SLC7A14: variants seen among roughly 807,000 people sequenced by gnomAD.
SLC7A14 encodes solute carrier family 7 member 14.
Under a neutral mutation model 60.2 loss-of-function variants are expected in SLC7A14, and 37 were observed. That is an observed-to-expected ratio of 0.61 (90% CI 0.47 to 0.81). The LOEUF is 0.81. SLC7A14 is among the 30% of genes least tolerant of loss of function. The pLI is 0.00. For synonymous variants in SLC7A14, 399 were observed against 395.8 expected (o/e 1.01, Z -0.10); for missense variants, 886 against 982.7 (o/e 0.90, Z 1.32).
At chr3:170,507,892 C>A (rs930979871) in intron 2 of SLC7A14, among the ~76,000 whole-genome samples, 8 of 152,212 alleles carry the variant, frequency 5.3e-5, no homozygotes, top group Non-Finnish European at 1.0e-4. Context: ...AGCCCCTCAC[C>A]CTCCTCTGTG....
intron 1 of SLC7A14, among the ~76,000 whole-genome samples, chr3:170,550,013 C>T (rs62293559): frequency 1.3e-5 from 2 of 152,284 alleles, no homozygotes; most frequent in East Asian, 1.9e-4. Context: ...AAGAGGAAGA[C>T]CCTGAGCTAT....
rs1739745536 is a variant in SLC7A14 at position 170,467,312 on chromosome 3, C to G, written c.2059G>C (p.Ala687Pro). ...STLEISAREEALHQSTYQRYD... is the reference protein window; with the variant it reads ...STLEISAREEPLHQSTYQRYD... The stretch of plus-strand genomic sequence containing the variant: ...CGTTGGTACGTGCTTTGGTGCAGGG[C>G]CTCTTCTCGAGCGCTGATTTCCAGG... Residue 687 changes from alanine to proline, a missense_variant, in exon 8 of 8, where the codon GCC (alanine) becomes CCC (proline). Ala to Pro is a conservative substitution (Grantham distance 27). Coordinates refer to ENST00000231706, the MANE Select transcript of SLC7A14 (RefSeq NM_020949.3). 1 of 1,613,802 alleles carries G rather than the reference C, an allele frequency of 6.2e-7. No individual in the cohort carries two copies. Among genetic ancestry groups the G allele is most frequent in the Admixed American group, 1.7e-5 (1 of 59,974 alleles).
intron 7 of SLC7A14, among the ~76,000 whole-genome samples, chr3:170,477,223 G>A (rs1002119704): frequency 2.0e-5 from 3 of 152,186 alleles, no homozygotes; most frequent in Non-Finnish European, 4.4e-5. Flanking sequence ...ATAACTTCCT[G>A]TTGACTTTGA....
chr3:170,486,125 C>T, intron 5 of SLC7A14, 97 bp downstream of exon 5: 1 of 1,473,448 alleles, frequency 6.8e-7, no homozygotes, highest in Non-Finnish European at 9.2e-7. Context: ...AAGACAGACA[C>T]CAAGAAGACA....
intron 1 of SLC7A14, among the ~76,000 whole-genome samples, chr3:170,581,538 T>G (rs1715235061): frequency 6.6e-6 from 1 of 152,044 alleles, no homozygotes. Context: ...AATCAGAAAT[T>G]TCAATAACTA....
chr3:170,472,241 G>T (rs1739931714), intron 7 of SLC7A14, among the ~76,000 whole-genome samples: 1 of 149,854 alleles, frequency 6.7e-6, no homozygotes, highest in African/African-American at 2.5e-5. Context: ...ACGGTGGCGG[G>T]CACTGGTAAT....
intron 7 of SLC7A14, among the ~76,000 whole-genome samples, chr3:170,471,114 T>TGTGTGTGTGTGTGTGAGA: frequency 6.6e-6 from 1 of 152,076 alleles, no homozygotes; most frequent in South Asian, 2.1e-4. Context: ...TGTGTGTGTG[T>TGTGTGTGTGTGTGTGAGA]GTGTGTGAGT....
intron 1 of SLC7A14, among the ~76,000 whole-genome samples, chr3:170,528,419 G>A (rs1369571546): frequency 2.0e-5 from 3 of 152,164 alleles, no homozygotes; most frequent in Non-Finnish European, 2.9e-5. Flanking sequence ...TTGAAGTATA[G>A]CCAGACGTTG....
chr3:170,571,609 T>A (rs13099049), intron 1 of SLC7A14, among the ~76,000 whole-genome samples: 62,742 of 152,050 alleles, frequency 0.41, 13,135 homozygotes, highest in African/African-American at 0.5. Flanking sequence ...TTTAGCAACA[T>A]TACTCAAGAA....
intron 1 of SLC7A14, among the ~76,000 whole-genome samples, chr3:170,557,607 C>T (rs1714522894): frequency 6.6e-6 from 1 of 152,198 alleles, no homozygotes; most frequent in African/African-American, 2.4e-5. Flanking sequence ...GACCTGGCAT[C>T]CAAACCTTGG....
intron 2 of SLC7A14, among the ~76,000 whole-genome samples, chr3:170,506,109 G>C (rs138314460): frequency 8.5e-4 from 129 of 152,328 alleles, no homozygotes; most frequent in African/African-American, 3.0e-3. Flanking sequence ...ATGAAATCCA[G>C]TGTTTAGGTG....
chr3:170,467,480 G>A, intron 7 of SLC7A14, 103 bp from the exon 8 acceptor site: 1 of 677,318 alleles, frequency 1.5e-6, no homozygotes, highest in Non-Finnish European at 2.2e-6. Context: ...CTGGCGGGGT[G>A]GGGGGCGGTG....
chr3:170,550,702 A>G (rs1208560590), intron 1 of SLC7A14, among the ~76,000 whole-genome samples: 1 of 151,358 alleles, frequency 6.6e-6, no homozygotes, highest in Non-Finnish European at 1.5e-5. Context: ...TTATATTTTT[A>G]GTAGAGACGG....
At chr3:170,555,189 AAT>A (rs1031294499) in intron 1 of SLC7A14, among the ~76,000 whole-genome samples, 5 of 149,440 alleles carry the variant, frequency 3.3e-5, no homozygotes, top group Non-Finnish European at 4.4e-5. Flanking sequence ...ATATATATAT[AAT>A]ATATATATTG....
chr3:170,532,665 C>T lies in SLC7A14; in HGVS notation c.-152-5577G>A, dbSNP rs1225080180. Among the ~76,000 whole-genome samples the T allele has an allele frequency of 6.6e-6, 1 of 151,412 alleles. No individual in the cohort carries two copies. The highest frequency in any genetic ancestry group is 6.6e-5 in the Admixed American group (1 of 15,250). ...AGCATCACCCTGCTGTGGCCCCTGA[C>T]CAGGTGTTTTTTTTTTTTTGTTGTT... On this transcript the variant is annotated intron_variant, in intron 1 of 7. Transcript: ENST00000231706. The surrounding 1 kb of genome is among the most constrained non-coding windows in gnomAD (Gnocchi z 4.0).
At chr3:170,524,758 T>C (rs1194186477) in intron 2 of SLC7A14, among the ~76,000 whole-genome samples, 1 of 152,212 alleles carries the variant, frequency 6.6e-6, no homozygotes, top group Admixed American at 6.5e-5. Context: ...ATGTGAGTAA[T>C]TTATTTTCAT....
At chr3:170,524,815 G>A (rs1713442473) in intron 2 of SLC7A14, among the ~76,000 whole-genome samples, 1 of 152,212 alleles carries the variant, frequency 6.6e-6, no homozygotes, top group Admixed American at 6.5e-5. Flanking sequence ...TCAACTATTA[G>A]TGTATTAGTG....
chr3:170,499,663 G>C (rs1270029203), intron 3 of SLC7A14, among the ~76,000 whole-genome samples: 1 of 151,958 alleles, frequency 6.6e-6, no homozygotes, highest in Non-Finnish European at 1.5e-5. Context: ...GGGGTTTTCT[G>C]TCCTTTTGTG....
At chr3:170,563,596 T>G (rs984052202) in intron 1 of SLC7A14, among the ~76,000 whole-genome samples, 1 of 151,980 alleles carries the variant, frequency 6.6e-6, no homozygotes, top group Non-Finnish European at 1.5e-5. Flanking sequence ...TTTTGTATTT[T>G]TTTTAGTAGA....
Sources: gnomAD v4.1 joint callset for allele counts (sites outside exome capture counted in the v4.1 genomes callset) on GRCh38, gnomAD v4.1.1 for gene constraint, Gnocchi (gnomAD v3.1) non-coding constraint, MANE v1.5 for transcripts, NCBI Gene and HGNC (gene_info 2026-07-23, HGNC 2026-07-21) for gene names.